The following ZBTB11 variants were observed in gnomAD, a reference collection of about 807,000 sequenced individuals.
ZBTB11 encodes zinc finger and BTB domain containing 11, also known as zinc finger and BTB domain-containing protein 11.
Under a neutral mutation model 113.1 loss-of-function variants are expected in ZBTB11, and 68 were observed. The observed-to-expected ratio is 0.60, with a 90% CI of 0.49 to 0.74. The LOEUF (loss-of-function observed/expected upper bound fraction) is 0.74. Among genes scored for constraint, ZBTB11 ranks in the 30% least tolerant of loss-of-function variants. The pLI is 0.00. For missense variants in ZBTB11, 1,104 were observed against 1,279.4 expected, an observed-to-expected ratio of 0.86 and a Z score of 2.09; for synonymous variants, 518 against 452.6, an observed-to-expected ratio of 1.14 and a Z score of -1.83.
rs1937080083 is a variant in ZBTB11 at position 101,671,178 on chromosome 3, T to A, written c.730A>T (p.Ile244Phe). ...TGACTGGAAACAGCTCCTTTCTCAA[T>A]AAAAAGATCTCGAAAATACTCGCTA... ...ANSEYFRDLF[I>F]EKGAVSSHEA... is the part of the protein sequence containing the mutation. Residue 244 changes from isoleucine (I) to phenylalanine (F), a missense_variant, in exon 3 of 11, where the codon ATT becomes TTT. Ile to Phe is a conservative substitution (Grantham distance 21, BLOSUM62 0). This residue lies in a region of ZBTB11 where 86 missense variants were observed against 131.0 expected (regional missense o/e 0.66). Coordinates refer to ENST00000312938, the MANE Select transcript of ZBTB11 (RefSeq NM_014415.4). 1 of 1,614,032 alleles carries A rather than the reference T, an allele frequency of 6.2e-7. No homozygotes were observed. Among genetic ancestry groups the A allele is most frequent in the African/African-American group, 1.3e-5 (1 of 74,926 alleles).
At chr3:101,676,429 T>A (rs921959980) in intron 1 of ZBTB11, 176 bp downstream of exon 1, 6 of 618,618 alleles carry the variant, frequency 9.7e-6, no homozygotes, top group African/African-American at 9.6e-5. Context: ...GCCTCCTTCC[T>A]GTGGGAAGTG....
rs1937082135 is a variant in ZBTB11, at chr3:101,671,319, A to G, written c.589T>C (p.Cys197Arg). The G allele has an allele frequency of 6.2e-7, 1 of 1,614,184 alleles. No individual in the cohort carries two copies. Among genetic ancestry groups the G allele is most frequent in the Non-Finnish European group, 8.5e-7 (1 of 1,180,018 alleles). Residue 197 changes from cysteine (C) to arginine (R), a missense_variant, in exon 3 of 11, where the codon TGT becomes CGT. Physicochemically the swap from Cys to Arg is radical, Grantham distance 180 (BLOSUM62 -3). Coordinates refer to ENST00000312938, the MANE Select transcript of ZBTB11 (RefSeq NM_014415.4). ...GVVKRSSPKH[C>R]QAVLKQLNEQ... ...TTCAGCTGTTTTAAGACAGCCTGAC[A>G]ATGTTTTGGAGAAGAACGTTTTACC...
chr3:101,654,485 A>G (rs1936760272), intron 8 of ZBTB11, among the ~76,000 whole-genome samples: 2 of 152,216 alleles, frequency 1.3e-5, no homozygotes, highest in African/African-American at 4.8e-5. Flanking sequence ...TCCAGGTAGT[A>G]CATTTGAAAA....
At chr3:101,668,666 C>T (rs1189777255) in intron 3 of ZBTB11, among the ~76,000 whole-genome samples, 1 of 149,762 alleles carries the variant, frequency 6.7e-6, no homozygotes, top group Non-Finnish European at 1.5e-5. Context: ...GTTTTCAACA[C>T]AAAGAAAGGT....
intron 6 of ZBTB11, among the ~76,000 whole-genome samples, chr3:101,657,398 C>T (rs777480843): frequency 2.3e-4 from 35 of 151,020 alleles, no homozygotes; most frequent in Admixed American, 1.1e-3. Context: ...TCCAGCTACT[C>T]GGGAGGCTGA....
rs1354966021 is a variant in ZBTB11, at chr3:101,675,031, G to C, written c.310+1574C>G. Among the ~76,000 whole-genome samples, 6 of 152,192 alleles carry C rather than the reference G, an allele frequency of 3.9e-5. No homozygotes were observed. In the East Asian group the frequency reaches 1.2e-3, roughly 29 times the overall value. ...GAGGCTACAGTGAGCTGTGATCGTT[G>C]TCACTGCACCAAGCAAGACCCCCTA... On this transcript the variant is annotated intron_variant, in intron 1 of 10. Transcript: ENST00000312938.
intron 5 of ZBTB11, 95 bp downstream of exon 5, chr3:101,664,443 G>A (rs1936944469): frequency 2.0e-5 from 25 of 1,249,036 alleles, no homozygotes; most frequent in Non-Finnish European, 2.8e-5. Context: ...AGCCATATAA[G>A]ACATAGAATA....
At chr3:101,657,630 T>A (rs1428099396) in intron 6 of ZBTB11, among the ~76,000 whole-genome samples, 1 of 151,924 alleles carries the variant, frequency 6.6e-6, no homozygotes, top group Admixed American at 6.6e-5. Context: ...GAAGGGTACA[T>A]GAGAGTTCAA....
chr3:101,663,401 T>G (rs1034973883), intron 5 of ZBTB11, among the ~76,000 whole-genome samples: 2 of 152,186 alleles, frequency 1.3e-5, no homozygotes, highest in African/African-American at 4.8e-5. Context: ...TCTTTTGTCA[T>G]GAGTCAATAA....
At chr3:101,670,991 C>A in intron 3 of ZBTB11, 139 bp downstream of exon 3, 2 of 651,756 alleles carry the variant, frequency 3.1e-6, no homozygotes, top group South Asian at 2.4e-5. Context: ...TAAAAAGAAC[C>A]TTTTCAGTAC....
At chr3:101,676,198 C>T (rs548595760) in intron 1 of ZBTB11, among the ~76,000 whole-genome samples, 1 of 152,316 alleles carries the variant, frequency 6.6e-6, no homozygotes, top group East Asian at 1.9e-4. Context: ...ACTCGTCCCC[C>T]CTTCCAAACG....
rs1229186941 is a variant in ZBTB11 at position 101,650,847 on chromosome 3, A to T, written c.*319T>A. On this transcript the variant is annotated 3_prime_UTR_variant, in exon 11 of 11. Transcript: ENST00000312938. ...AATGTCAAAATGCAAATGAAACTGT[A>T]CGGTTTTAAATTCAGTACAGTCATT... 1 of 181,786 alleles carries T rather than the reference A, an allele frequency of 5.5e-6. No homozygotes were observed. Among genetic ancestry groups the T allele is most frequent in the African/African-American group, 2.3e-5 (1 of 42,740 alleles). 11.3% of individuals were successfully genotyped at this position (181,786 alleles called of 1,614,324 possible).
chr3:101,669,725 T>G (rs1386862108), intron 3 of ZBTB11, among the ~76,000 whole-genome samples: 3 of 152,082 alleles, frequency 2.0e-5, no homozygotes, highest in Non-Finnish European at 1.5e-5. Context: ...AACTCTAAGC[T>G]CCAAAAAGTT....
chr3:101,671,166 C>A lies in ZBTB11; in HGVS notation c.742G>T (p.Ala248Ser). Residue 248 changes from alanine to serine, a missense_variant, in exon 3 of 11, where the codon GCT becomes TCT. Physicochemically the swap from Ala to Ser is moderately conservative, Grantham distance 99. Transcript: ENST00000312938. ...ACCACAGCCTCATGACTGGAAACAG[C>A]TCCTTTCTCAATAAAAAGATCTCGA... is the stretch of plus-strand genomic sequence containing the variant. ...YFRDLFIEKG[A>S]VSSHEAVVDL... 6.2e-7 allele frequency: 1 copy of A among 1,614,166 alleles called. No homozygotes were observed. The highest frequency in any genetic ancestry group is 8.5e-7 in the Non-Finnish European group (1 of 1,180,010).
At chr3:101,660,804 G>A (rs1444628583) in intron 5 of ZBTB11, among the ~76,000 whole-genome samples, 2 of 152,178 alleles carry the variant, frequency 1.3e-5, no homozygotes, top group Non-Finnish European at 2.9e-5. Context: ...GCCACATACA[G>A]TACACTGTAA....
intron 6 of ZBTB11, among the ~76,000 whole-genome samples, chr3:101,656,822 G>C (rs1463698665): frequency 1.3e-5 from 2 of 152,112 alleles, no homozygotes; most frequent in Non-Finnish European, 2.9e-5. Context: ...AAGACCAGAG[G>C]CCCAACTAAT....
intron 1 of ZBTB11, among the ~76,000 whole-genome samples, chr3:101,675,147 A>C (rs142577948): frequency 1.1e-4 from 16 of 152,364 alleles, no homozygotes; most frequent in Admixed American, 2.6e-4. Context: ...TGCATATACA[A>C]GCTTGATCAA....
At chr3:101,655,954 C>A (rs1936789010) in intron 7 of ZBTB11, 150 bp downstream of exon 7, 2 of 630,610 alleles carry the variant, frequency 3.2e-6, no homozygotes, top group Non-Finnish European at 4.6e-6. Flanking sequence ...AGCCACCGCG[C>A]CCAGCCTGCA....
chr3:101,671,518 GTCCTA>G (rs1465256970), intron 2 of ZBTB11, 157 bp from the exon 3 acceptor site: 1 of 628,274 alleles, frequency 1.6e-6, no homozygotes, highest in Non-Finnish European at 2.7e-6. Flanking sequence ...AAGATATGTT[GTCCTA>G]TCCTATTTTC....
Sources: gnomAD v4.1 joint callset for allele counts (sites outside exome capture counted in the v4.1 genomes callset) on GRCh38, gnomAD v4.1.1 for gene constraint, gnomAD v4.1.1 regional missense constraint, MANE v1.5 for transcripts, NCBI Gene and HGNC (gene_info 2026-07-23, HGNC 2026-07-21) for gene names.